STARD3NL: variants seen among roughly 807,000 people sequenced by gnomAD.
The protein encoded by STARD3NL is STARD3 N-terminal-like protein.
Under a neutral mutation model 30.9 loss-of-function variants are expected in STARD3NL, and 17 were observed. The observed-to-expected ratio is 0.55, with a 90% confidence interval of 0.38 to 0.82. The LOEUF is 0.82. Ranked by LOEUF, STARD3NL falls within the 40% of genes least tolerant of loss-of-function variation. STARD3NL has a pLI of 0.00. For missense variants in STARD3NL, 234 were observed against 277.6 expected, an observed-to-expected ratio of 0.84 and a Z score of 1.12; for synonymous variants, 112 against 100.5, an observed-to-expected ratio of 1.11 and a Z score of -0.69.
intron 1 of STARD3NL, among the ~76,000 whole-genome samples, chr7:38,189,425 G>A (rs775566268): frequency 1.9e-4 from 29 of 152,192 alleles, no homozygotes; most frequent in Non-Finnish European, 2.6e-4. Context: ...AACACATGGT[G>A]TGTCTGAGCC....
At chr7:38,226,152 G>GTTTTTTTTT (rs11286474) in intron 7 of STARD3NL, among the ~76,000 whole-genome samples, 6 of 102,472 alleles carry the variant, frequency 5.9e-5, no homozygotes, top group East Asian at 5.6e-4. Context: ...TGCCTATCTT[G>GTTTTTTTTT]TTTTTTTTTT....
At chr7:38,195,958 A>C (rs895848251) in intron 1 of STARD3NL, among the ~76,000 whole-genome samples, 6 of 152,138 alleles carry the variant, frequency 3.9e-5, no homozygotes, top group Non-Finnish European at 8.8e-5. Flanking sequence ...CTCCTTGTTA[A>C]CTGAGAAACC....
At chr7:38,200,773 C>CAGTAATTGTTTTT (rs1172261234) in intron 1 of STARD3NL, among the ~76,000 whole-genome samples, 1 of 152,086 alleles carries the variant, frequency 6.6e-6, no homozygotes, top group Admixed American at 6.6e-5. Context: ...TATCAATCAG[C>CAGTAATTGTTTTT]AGTAATTGTT....
At chr7:38,190,345 T>C (rs1416318069) in intron 1 of STARD3NL, among the ~76,000 whole-genome samples, 1 of 152,198 alleles carries the variant, frequency 6.6e-6, no homozygotes, top group African/African-American at 2.4e-5. Flanking sequence ...TAACTGAAAC[T>C]GGAAAGTGAA....
intron 7 of STARD3NL, 76 bp from the exon 8 acceptor site, chr7:38,228,723 A>G: frequency 7.9e-7 from 1 of 1,259,132 alleles, no homozygotes; most frequent in Non-Finnish European, 1.1e-6. Context: ...TATAATTTTA[A>G]ACCTATTTAT....
intron 7 of STARD3NL, among the ~76,000 whole-genome samples, chr7:38,227,064 TG>T: frequency 6.6e-6 from 1 of 152,258 alleles, no homozygotes; most frequent in Non-Finnish European, 1.5e-5. Flanking sequence ...TGCCACATTT[TG>T]GGGGTGCCTT....
intron 1 of STARD3NL, among the ~76,000 whole-genome samples, chr7:38,188,976 A>G (rs17171307): frequency 0.43 from 65,001 of 152,114 alleles, 14,222 homozygotes; most frequent in East Asian, 0.5. Flanking sequence ...TAATTTCTAA[A>G]TCAATCTGAG....
intron 6 of STARD3NL, among the ~76,000 whole-genome samples, chr7:38,218,130 C>T (rs1191215287): frequency 6.6e-6 from 1 of 152,034 alleles, no homozygotes; most frequent in Non-Finnish European, 1.5e-5. Flanking sequence ...AAAGGTGAAA[C>T]GATCAAAGCT....
At chr7:38,215,173 C>A in intron 4 of STARD3NL, 68 bp downstream of exon 4, 1 of 1,460,706 alleles carries the variant, frequency 6.8e-7, no homozygotes, top group Non-Finnish European at 9.6e-7. Context: ...TCTCAACAGG[C>A]CTGGGCTGGG....
intron 1 of STARD3NL, among the ~76,000 whole-genome samples, chr7:38,180,971 C>T (rs987946058): frequency 2.6e-5 from 4 of 152,180 alleles, no homozygotes; most frequent in African/African-American, 9.6e-5. Flanking sequence ...TATTTCTGTA[C>T]ATATAAAAAT....
chr7:38,208,280 A>G (rs936312229), intron 2 of STARD3NL, among the ~76,000 whole-genome samples: 1 of 152,116 alleles, frequency 6.6e-6, no homozygotes, highest in African/African-American at 2.4e-5. Context: ...GATTTTGCAC[A>G]TGTTTGTTCT....
intron 7 of STARD3NL, among the ~76,000 whole-genome samples, chr7:38,228,544 A>G (rs1786916333): frequency 6.6e-6 from 1 of 152,264 alleles, no homozygotes; most frequent in African/African-American, 2.4e-5. Context: ...ATTGGTCTGC[A>G]TGAATATTCT....
chr7:38,196,022 G>C (rs1482501197), intron 1 of STARD3NL, among the ~76,000 whole-genome samples: 1 of 152,212 alleles, frequency 6.6e-6, no homozygotes, highest in Non-Finnish European at 1.5e-5. Flanking sequence ...CCTTGCATGA[G>C]TAGGCTCATG....
intron 4 of STARD3NL, chr7:38,215,407 G>C (rs1786046853): frequency 2.5e-6 from 1 of 397,728 alleles, no homozygotes. Context: ...GAGATGAGAG[G>C]AGACCTCTGT....
chr7:38,190,260 C>G (rs1784630037), intron 1 of STARD3NL, among the ~76,000 whole-genome samples: 1 of 152,166 alleles, frequency 6.6e-6, no homozygotes, highest in Admixed American at 6.5e-5. Context: ...CTCATGATGA[C>G]ACACAATTTA....
At chr7:38,207,402 G>A (rs755944347) in intron 1 of STARD3NL, 45 bp from the exon 2 acceptor site, 5 of 902,014 alleles carry the variant, frequency 5.5e-6, no homozygotes, top group Non-Finnish European at 8.3e-6. Flanking sequence ...AGTTATATTT[G>A]ATCAGCTTGG....
intron 2 of STARD3NL, among the ~76,000 whole-genome samples, chr7:38,212,950 A>G (rs911791681): frequency 1.3e-5 from 2 of 152,212 alleles, no homozygotes; most frequent in Non-Finnish European, 2.9e-5. Flanking sequence ...AGTATAAGTT[A>G]GGGATAGAGA....
intron 6 of STARD3NL, among the ~76,000 whole-genome samples, chr7:38,218,597 A>G (rs1786260974): frequency 6.6e-6 from 1 of 152,274 alleles, no homozygotes; most frequent in Non-Finnish European, 1.5e-5. Context: ...AAAGCAGAAC[A>G]CACAATTAAT....
intron 2 of STARD3NL, among the ~76,000 whole-genome samples, chr7:38,210,002 CT>C (rs1267640625): frequency 1.3e-5 from 2 of 152,164 alleles, no homozygotes; most frequent in African/African-American, 4.8e-5. Context: ...AACATCAGGA[CT>C]TTTTTTAGTA....
Sources: allele counts gnomAD v4.1 joint callset (sites outside exome capture counted in the v4.1 genomes callset), GRCh38; gene constraint gnomAD v4.1.1; transcripts MANE v1.5; gene names NCBI Gene and HGNC (gene_info 2026-07-23, HGNC 2026-07-21).